The following BRD7 variants were observed in gnomAD, a reference collection of about 807,000 sequenced individuals.
BRD7 encodes the protein bromodomain containing 7, also known as bromodomain-containing protein 7.
Under a neutral mutation model 82.1 loss-of-function variants are expected in BRD7, and 15 were observed. The observed-to-expected ratio is 0.18, with a 90% CI of 0.12 to 0.28. The LOEUF (loss-of-function observed/expected upper bound fraction) is 0.28, where lower values mean the gene tolerates loss of function less well. Ranked by LOEUF, BRD7 falls within the 10% of genes least tolerant of loss-of-function variation. BRD7 has a pLI of 1.00. For synonymous variants in BRD7, 232 were observed against 266.9 expected (o/e 0.87, Z 1.27); for missense variants, 638 against 779.9 (o/e 0.82, Z 2.17).
chr16:50,354,535 G>A, intron 3 of BRD7, 53 bp from the exon 4 acceptor site: 5 of 1,440,276 alleles, frequency 3.5e-6, no homozygotes, highest in Non-Finnish European at 3.8e-6. Flanking sequence ...ATTCTAGAGA[G>A]TATTATTTAC....
intron 14 of BRD7, 133 bp from the exon 15 acceptor site, chr16:50,320,524 A>ACGC: frequency 7.1e-7 from 1 of 1,407,504 alleles, no homozygotes; most frequent in Non-Finnish European, 9.9e-7. Flanking sequence ...TGACATCAAC[A>ACGC]CGCCATACCC....
At chr16:50,360,099 C>T (rs1304291124) in intron 2 of BRD7, among the ~76,000 whole-genome samples, 1 of 152,162 alleles carries the variant, frequency 6.6e-6, no homozygotes, top group Admixed American at 6.5e-5. Flanking sequence ...CTCACCGAAC[C>T]ACATTATTCA....
intron 4 of BRD7, among the ~76,000 whole-genome samples, chr16:50,353,002 A>C (rs1010961901): frequency 2.6e-5 from 4 of 152,100 alleles, no homozygotes; most frequent in African/African-American, 9.7e-5. Flanking sequence ...GTAATGAACA[A>C]GTTATTTAAA....
intron 2 of BRD7, among the ~76,000 whole-genome samples, chr16:50,357,972 T>C (rs1471456379): frequency 6.6e-6 from 1 of 151,470 alleles, no homozygotes; most frequent in African/African-American, 2.4e-5. Context: ...AGAACAAGAC[T>C]CTGTCTCAAA....
At chr16:50,333,274 G>A (rs998081162) in intron 8 of BRD7, among the ~76,000 whole-genome samples, 7 of 152,172 alleles carry the variant, frequency 4.6e-5, no homozygotes, top group Non-Finnish European at 5.9e-5. Flanking sequence ...CAGTAAAAGA[G>A]GGTAAGATTA....
intron 8 of BRD7, among the ~76,000 whole-genome samples, chr16:50,331,144 A>G (rs1343984332): frequency 2.6e-5 from 4 of 152,198 alleles, no homozygotes; most frequent in Non-Finnish European, 4.4e-5. Flanking sequence ...TAGAAGAACT[A>G]AAAAACACTG....
At chr16:50,349,519 T>C (rs766817998) in intron 5 of BRD7, 14 of 468,904 alleles carry the variant, frequency 3.0e-5, no homozygotes, top group East Asian at 1.4e-4. Flanking sequence ...TCCAGTACGA[T>C]TGTAAGTTTC....
At chr16:50,333,531 C>T (rs2037659536) in intron 8 of BRD7, 43 bp downstream of exon 8, 2 of 1,596,312 alleles carry the variant, frequency 1.3e-6, no homozygotes, top group Non-Finnish European at 8.5e-7. Flanking sequence ...TTCAGATGCC[C>T]CAAATCAGTA....
chr16:50,320,530 T>G, intron 14 of BRD7, 133 bp downstream of exon 14: 1 of 1,400,614 alleles, frequency 7.1e-7, no homozygotes, highest in Non-Finnish European at 1.0e-6. Context: ...CAACACGCCA[T>G]ACCCATTCAT....
At chr16:50,319,774 C>T in intron 16 of BRD7, 113 bp downstream of exon 16, 1 of 1,392,302 alleles carries the variant, frequency 7.2e-7, no homozygotes, top group South Asian at 1.4e-5. Context: ...ATTTTGCTAT[C>T]TTTGTGGGGT....
chr16:50,354,558 T>C, intron 3 of BRD7, 76 bp from the exon 4 acceptor site: 3 of 1,304,616 alleles, frequency 2.3e-6, no homozygotes, highest in Non-Finnish European at 3.2e-6. Flanking sequence ...GATCATTTTC[T>C]ACAACCATTA....
intron 7 of BRD7, 57 bp downstream of exon 7, chr16:50,334,654 T>A: frequency 6.4e-7 from 1 of 1,574,032 alleles, no homozygotes; most frequent in Non-Finnish European, 8.6e-7. Context: ...TAAGTATTTT[T>A]CCCCCTTACT....
In BRD7 at chr16:50,334,746, T is replaced by C; in HGVS notation, c.852A>G (p.Ala284=). The C allele has an allele frequency of 6.2e-7, 1 of 1,613,966 alleles. No homozygotes were observed. The highest frequency in any genetic ancestry group is 8.5e-7 in the Non-Finnish European group (1 of 1,179,878). The change falls in exon 7 of 17, where the codon GCA becomes GCG. Residue 284 remains alanine, a synonymous_variant. Coordinates refer to ENST00000394688, the MANE Select transcript of BRD7 (RefSeq NM_013263.5). ...REREDSGDAE[A]HAFKSPSKEN... ...CTTTGCTGGGACTCTTGAAGGCGTGTGCTTCGGCATCTCCAGAGTCCTCTC... is the reference window on the plus strand; with the variant it reads ...CTTTGCTGGGACTCTTGAAGGCGTGCGCTTCGGCATCTCCAGAGTCCTCTC...
In BRD7 at chr16:50,317,894, T is replaced by TAACAAACA. The variant is rs77844678; in HGVS notation, c.*1309_*1316dup. 84 of 151,828 alleles carry TAACAAACA rather than the reference T, an allele frequency of 5.5e-4. No homozygotes were observed. Among genetic ancestry groups the TAACAAACA allele is most frequent in the Middle Eastern group, 3.5e-3 (1 of 288 alleles). The allele number at this position is 151,828 out of a possible 1,614,324, so 9.4% of individuals were successfully genotyped here. ...TTTCTGGCTTATTGAGGAAATTTCCTAACAAACAAACAAACAAACAAACAG... is the reference window on the plus strand; with the variant it reads ...TTTCTGGCTTATTGAGGAAATTTCCTAACAAACAAACAAACAAACAAACAAACAAACAG... On this transcript the variant is annotated 3_prime_UTR_variant, in exon 17 of 17. Transcript: ENST00000394688.
intron 12 of BRD7, among the ~76,000 whole-genome samples, chr16:50,323,354 T>C (rs2037197793): frequency 6.6e-6 from 1 of 152,190 alleles, no homozygotes; most frequent in Admixed American, 6.5e-5. Flanking sequence ...TTTTGAGTCC[T>C]ACATTCCCAA....
At chr16:50,321,892 T>C in intron 13 of BRD7, 90 bp downstream of exon 13, 1 of 1,216,366 alleles carries the variant, frequency 8.2e-7, no homozygotes, top group Non-Finnish European at 1.2e-6. Context: ...TTTTTCCTTC[T>C]TACCCAATGG....
At chr16:50,341,230 A>C (rs2038039263) in intron 5 of BRD7, among the ~76,000 whole-genome samples, 1 of 151,074 alleles carries the variant, frequency 6.6e-6, no homozygotes, top group African/African-American at 2.4e-5. Context: ...AGCTGAACAC[A>C]AAAGTCTTCA....
intron 2 of BRD7, among the ~76,000 whole-genome samples, chr16:50,365,564 G>T (rs942730483): frequency 4.6e-5 from 7 of 151,832 alleles, no homozygotes; most frequent in Non-Finnish European, 8.8e-5. Flanking sequence ...AGAAAACTTA[G>T]GAGAAAAAAA....
intron 4 of BRD7, among the ~76,000 whole-genome samples, chr16:50,350,660 GA>G (rs1341372877): frequency 6.6e-6 from 1 of 152,076 alleles, no homozygotes; most frequent in Non-Finnish European, 1.5e-5. Flanking sequence ...GTATGTGGGG[GA>G]TGCTAAAAAA....
Sources: allele counts gnomAD v4.1 joint callset (sites outside exome capture counted in the v4.1 genomes callset), GRCh38; gene constraint gnomAD v4.1.1; transcripts MANE v1.5; gene names NCBI Gene and HGNC (gene_info 2026-07-23, HGNC 2026-07-21).